Variants in CHD6 observed in about 807,000 individuals in gnomAD.
The protein encoded by CHD6 is chromodomain helicase DNA binding protein 6.
Under a neutral mutation model 276.9 loss-of-function variants are expected in CHD6, and 50 were observed. That is an observed-to-expected ratio of 0.18 (90% CI 0.14 to 0.23). CHD6 has a LOEUF of 0.23. CHD6 is among the 10% of genes least tolerant of loss of function. The pLI, the probability that CHD6 is intolerant of heterozygous loss-of-function variation, is 1.00. For missense variants in CHD6, 2,564 were observed against 3,365.8 expected (o/e 0.76, Z 5.89); for synonymous variants, 1,173 against 1,229.3 (o/e 0.95, Z 0.96).
At chr20:41,557,111 A>G (rs895564039) in intron 1 of CHD6, among the ~76,000 whole-genome samples, 3 of 152,254 alleles carry the variant, frequency 2.0e-5, no homozygotes, top group African/African-American at 7.2e-5. Context: ...AATTCTACAG[A>G]TAACTCCGTG....
chr20:41,574,515 T>C (rs961838723), intron 1 of CHD6, among the ~76,000 whole-genome samples: 1 of 152,172 alleles, frequency 6.6e-6, no homozygotes, highest in Non-Finnish European at 1.5e-5. Flanking sequence ...AGGTACTTTA[T>C]CAGGTTAAAG....
intron 3 of CHD6, among the ~76,000 whole-genome samples, chr20:41,515,566 C>T (rs977675138): frequency 4.6e-5 from 7 of 152,194 alleles, no homozygotes; most frequent in Admixed American, 3.9e-4. Context: ...TCTAAAAGGC[C>T]TTTCCTGGCC....
At chr20:41,433,313 A>G (rs1450932985) in intron 27 of CHD6, among the ~76,000 whole-genome samples, 1 of 152,174 alleles carries the variant, frequency 6.6e-6, no homozygotes, top group African/African-American at 2.4e-5. Context: ...AGCACATAAA[A>G]TCATAAACTT....
At position 41,533,111 on chromosome 20, in the gene CHD6, C is replaced by T; in HGVS notation, c.493G>A (p.Glu165Lys). Residue 165 changes from glutamate to lysine, a missense_variant, in exon 3 of 37, where the codon GAG (glutamate) becomes AAG (lysine). By Grantham distance (56) the Glu-to-Lys change is moderately conservative (BLOSUM62 1). Transcript: ENST00000373233. ...RKPREASGTK[E>K]AKEKRSCTDS... ...GTGCAGCTCCTCTTCTCTTTGGCCTCCTTGGTGCCCGAGGCCTCCCGGGGC... is the reference window on the plus strand; with the variant it reads ...GTGCAGCTCCTCTTCTCTTTGGCCTTCTTGGTGCCCGAGGCCTCCCGGGGC... 2 of 1,613,942 alleles carry T rather than the reference C, an allele frequency of 1.2e-6. No homozygotes were observed. The highest frequency in any genetic ancestry group is 1.7e-6 in the Non-Finnish European group (2 of 1,179,928).
intron 3 of CHD6, among the ~76,000 whole-genome samples, chr20:41,524,817 G>A (rs2044488761): frequency 6.6e-6 from 1 of 152,120 alleles, no homozygotes; most frequent in Non-Finnish European, 1.5e-5. Flanking sequence ...TTAATTCTTT[G>A]CTTTTCTGAT....
At chr20:41,509,009 C>T (rs1380068268) in intron 5 of CHD6, among the ~76,000 whole-genome samples, 3 of 151,972 alleles carry the variant, frequency 2.0e-5, no homozygotes, top group Non-Finnish European at 4.4e-5. Flanking sequence ...AGCTACTAAC[C>T]AACAGAAACA....
In CHD6 at chr20:41,473,005, C is replaced by T. The variant is rs2043090441; in HGVS notation, c.2664+317G>A. The T allele has an allele frequency of 4.4e-6, 1 of 227,338 alleles. No homozygotes were observed. The highest frequency in any genetic ancestry group is 8.6e-6 in the Non-Finnish European group (1 of 116,334). The allele number at this position is 227,338 out of a possible 1,614,324, so 14.1% of individuals were successfully genotyped here. A position where few individuals can be genotyped will look rare whatever the true frequency, so the allele number is the denominator to read the frequency against. ...GAAAATGCCCGAATCGTCTACATAT[C>T]AAGAATTAGAGCATTAGTCAAGATT... is the stretch of plus-strand genomic sequence containing the variant. On this transcript the variant is annotated intron_variant, in intron 17 of 36. Transcript: ENST00000373233. The surrounding 1 kb of genome is among the most constrained non-coding windows in gnomAD (Gnocchi z 4.1).
In CHD6 at chr20:41,483,373, C is replaced by T. The variant is rs2145829360; in HGVS notation, c.2404G>A (p.Val802Ile). The T allele has an allele frequency of 1.9e-6, 3 of 1,613,830 alleles. No individual in the cohort carries two copies. The highest frequency in any genetic ancestry group is 1.1e-5 in the South Asian group (1 of 91,070). Reference sequence around the variant, plus strand: ...CGCACCATCTGGGAGAAGATGAGTACTTTGTGGCCACCTGCAATCAGCTTA... The same window carrying T: ...CGCACCATCTGGGAGAAGATGAGTATTTTGTGGCCACCTGCAATCAGCTTA... ...LPKLIAGGHK[V>I]LIFSQMVRCL... is the part of the protein sequence containing the mutation. Residue 802 changes from valine to isoleucine, a missense_variant, in exon 16 of 37, where the codon GTA (valine) becomes ATA (isoleucine). Val to Ile is a conservative substitution (Grantham distance 29). This residue lies in a region of CHD6 where 457 missense variants were observed against 889.0 expected (regional missense o/e 0.51). Transcript: ENST00000373233.
intron 17 of CHD6, among the ~76,000 whole-genome samples, chr20:41,466,297 T>C (rs2042918706): frequency 6.6e-6 from 1 of 152,214 alleles, no homozygotes; most frequent in Admixed American, 6.5e-5. Flanking sequence ...AGATAAATGC[T>C]AGCATACAGT....
chr20:41,435,193 T>C (rs1339945342), intron 27 of CHD6, among the ~76,000 whole-genome samples: 1 of 151,878 alleles, frequency 6.6e-6, no homozygotes, highest in Non-Finnish European at 1.5e-5. Flanking sequence ...CAACACAAAA[T>C]TAATGAAACA....
At chr20:41,529,601 G>A (rs949094227) in intron 3 of CHD6, among the ~76,000 whole-genome samples, 3 of 152,140 alleles carry the variant, frequency 2.0e-5, no homozygotes, top group African/African-American at 7.2e-5. Flanking sequence ...GAATGGAAAG[G>A]ACTTGGGATA....
In CHD6 at chr20:41,405,422, C is replaced by T. The variant is rs753895831; in HGVS notation, c.7319G>A (p.Arg2440His). The stretch of plus-strand genomic sequence containing the variant: ...GCTCCGAGGCCGCCTCCCCCTCCTG[C>T]GGGGGCCCGTATCTCGAAGAATAGG... ...AEPILRDTGP[R>H]RRGRRPRSEL... The change falls in exon 37 of 37, where the codon CGC becomes CAC. Residue 2440 changes from arginine (R) to histidine (H), a missense_variant. Arg to His is a conservative substitution (Grantham distance 29). Transcript: ENST00000373233. The T allele has an allele frequency of 5.6e-6, 9 of 1,610,466 alleles. No homozygotes were observed. Among genetic ancestry groups the T allele is most frequent in the East Asian group, 2.2e-5 (1 of 44,820 alleles).
At chr20:41,551,956 GC>G (rs2045154041) in intron 1 of CHD6, among the ~76,000 whole-genome samples, 2 of 151,900 alleles carry the variant, frequency 1.3e-5, no homozygotes, top group African/African-American at 4.8e-5. Flanking sequence ...CAGGACATAA[GC>G]CCCCATCCCC....
chr20:41,579,073 T>C (rs1179507512), intron 1 of CHD6, among the ~76,000 whole-genome samples: 2 of 131,520 alleles, frequency 1.5e-5, no homozygotes, highest in Non-Finnish European at 3.1e-5. Context: ...GAGGTTGCAG[T>C]GAGCCAAGAT....
intron 27 of CHD6, among the ~76,000 whole-genome samples, chr20:41,431,877 T>C (rs2047551948): frequency 6.8e-6 from 1 of 146,940 alleles, no homozygotes. Context: ...AAAAAAAACC[T>C]TCCGGGCGCG....
At position 41,417,225 on chromosome 20, in the gene CHD6, A is replaced by G. The variant is rs1165919481; in HGVS notation, c.6252T>C (p.Thr2084=). ...TTGGCCACTCAGAGAAGGAATAGAG[A>G]GTTTTCTCCTGTAGCAGCTGAGCAA... ...PTIAQLLQEK[T]LYSFSEWPKD... The change falls in exon 32 of 37, where the codon ACT becomes ACC. Residue 2084 remains threonine (T), a synonymous_variant. Coordinates refer to ENST00000373233, the MANE Select transcript of CHD6 (RefSeq NM_032221.5). The G allele has an allele frequency of 6.2e-6, 10 of 1,613,982 alleles. No homozygotes were observed. The highest frequency in any genetic ancestry group is 8.5e-6 in the Non-Finnish European group (10 of 1,180,000).
At chr20:41,543,306 G>C (rs528621347) in intron 2 of CHD6, among the ~76,000 whole-genome samples, 46 of 152,234 alleles carry the variant, frequency 3.0e-4, no homozygotes, top group African/African-American at 1.1e-3. Context: ...GTAAAGCTAA[G>C]ATTTGGGATT....
At chr20:41,493,743 T>C in intron 9 of CHD6, 71 bp from the exon 10 acceptor site, 1 of 1,583,752 alleles carries the variant, frequency 6.3e-7, no homozygotes, top group Non-Finnish European at 8.6e-7. Flanking sequence ...TGCCAACCTC[T>C]GAAAAACCAC....
intron 2 of CHD6, among the ~76,000 whole-genome samples, chr20:41,537,973 T>C (rs369050182): frequency 2.0e-5 from 3 of 152,200 alleles, no homozygotes; most frequent in East Asian, 3.9e-4. Flanking sequence ...AGCCAAAAGG[T>C]GGAAGCAACT....
Sources: allele counts gnomAD v4.1 joint callset (sites outside exome capture counted in the v4.1 genomes callset), GRCh38; gene constraint gnomAD v4.1.1; regional missense constraint gnomAD v4.1.1; non-coding constraint Gnocchi (gnomAD v3.1); transcripts MANE v1.5; gene names NCBI Gene and HGNC (gene_info 2026-07-23, HGNC 2026-07-21).